Variants in MTDH observed in about 807,000 individuals in gnomAD.
MTDH encodes the protein metadherin.
In MTDH, 34 loss-of-function variants were observed where a neutral mutation model predicts 72.7. That is an observed-to-expected ratio of 0.47 (90% confidence interval 0.36 to 0.62). The LOEUF (loss-of-function observed/expected upper bound fraction) is 0.62, where lower values mean the gene tolerates loss of function less well. Among genes scored for constraint, MTDH ranks in the 20% least tolerant of loss-of-function variants. The pLI is 0.00. For synonymous variants in MTDH, 266 were observed against 268.9 expected, an observed-to-expected ratio of 0.99 and a Z score of 0.10; for missense variants, 677 against 699.4, an observed-to-expected ratio of 0.97 and a Z score of 0.36.
In MTDH at chr8:97,716,854, T is replaced by A. The variant is rs181293148; in HGVS notation, c.1381-2195T>A. ...CAAGTAACTAGGACTACAGTTTTTT[T>A]ATTTTTTTGTAGAGACAGAGTTTCC... On this transcript the variant is annotated intron_variant, in intron 9 of 11. Transcript: ENST00000336273. Among the ~76,000 whole-genome samples, 11 of 152,130 alleles carry A rather than the reference T, an allele frequency of 7.2e-5. No homozygotes were observed. The South Asian group carries it at 8.3e-4, about 11-fold the overall frequency.
In MTDH at chr8:97,699,783, A is replaced by G. The variant is rs779147254; in HGVS notation, c.1078A>G (p.Thr360Ala). ...GSTAEPVSQS[T>A]TSDYQWDVSR... The stretch of plus-strand genomic sequence containing the variant: ...TACTGCTGAGCCAGTTTCTCAGTCT[A>G]CCACTTCTGATTATCAGTGGGATGT... Residue 360 changes from threonine (T) to alanine (A), a missense_variant, in exon 7 of 12, where the codon ACC (threonine) becomes GCC (alanine). Thr to Ala is a moderately conservative substitution (Grantham distance 58). Around this residue, in one of 3 missense-constraint regions of MTDH, gnomAD observed 467 missense variants for 469.1 expected, o/e 1.00. Coordinates refer to ENST00000336273, the MANE Select transcript of MTDH (RefSeq NM_178812.4). 1 of 1,612,996 alleles carries G rather than the reference A, an allele frequency of 6.2e-7. No homozygotes were observed. The highest frequency in any genetic ancestry group is 8.5e-7 in the Non-Finnish European group (1 of 1,179,190).
chr8:97,704,799 A>G (rs1480759764), intron 7 of MTDH, among the ~76,000 whole-genome samples: 2 of 152,170 alleles, frequency 1.3e-5, no homozygotes, highest in South Asian at 2.1e-4. Flanking sequence ...TGTATTATAT[A>G]TTCCTGTTAA....
At chr8:97,685,751 C>T (rs1442980652) in intron 2 of MTDH, among the ~76,000 whole-genome samples, 1 of 149,518 alleles carries the variant, frequency 6.7e-6, no homozygotes, top group Non-Finnish European at 1.5e-5. Flanking sequence ...CAGAGCAAGA[C>T]TCCATCTCAG....
chr8:97,722,954 T>A lies in MTDH; in HGVS notation c.1597T>A (p.Ser533Thr). 2 of 1,614,154 alleles carry A rather than the reference T, an allele frequency of 1.2e-6. No individual in the cohort carries two copies. Among genetic ancestry groups the A allele is most frequent in the Non-Finnish European group, 1.7e-6 (2 of 1,180,002 alleles). The change falls in exon 11 of 12, where the codon TCT (serine) becomes ACT (threonine). Residue 533 changes from serine to threonine, a missense_variant. By Grantham distance (58) the Ser-to-Thr change is moderately conservative. Around this residue, in one of 3 missense-constraint regions of MTDH, gnomAD observed 201 missense variants for 204.5 expected, o/e 0.98. Transcript: ENST00000336273. ...ILSKSDSDKSSSQVPPILQET... is the reference protein window; with the variant it reads ...ILSKSDSDKSTSQVPPILQET... Reference sequence around the variant, plus strand: ...ATCAAAAAGTGATTCTGACAAGAGCTCTTCCCAAGTGCCGCCAATACTACA... The same window carrying A: ...ATCAAAAAGTGATTCTGACAAGAGCACTTCCCAAGTGCCGCCAATACTACA...
intron 2 of MTDH, among the ~76,000 whole-genome samples, chr8:97,681,882 T>C (rs1450661922): frequency 2.0e-5 from 3 of 152,108 alleles, no homozygotes; most frequent in Admixed American, 2.0e-4. Flanking sequence ...TATTTAGTTA[T>C]GTATACTCGG....
chr8:97,713,674 G>A lies in MTDH; in HGVS notation c.1285G>A (p.Asp429Asn), dbSNP rs757224318. ...CTTTTAACCTAAGGTCTCAGATGAT[G>A]ATAAAGAAAAGGGAGAGGGAGCTCT... The part of the protein sequence containing the change: ...IPDDQKVSDD[D>N]KEKGEGALPT... The change falls in exon 9 of 12, where the codon GAT becomes AAT. Residue 429 changes from aspartate (D) to asparagine (N), a missense_variant. Coordinates refer to ENST00000336273, the MANE Select transcript of MTDH (RefSeq NM_178812.4). 1 of 1,594,216 alleles carries A rather than the reference G, an allele frequency of 6.3e-7. No homozygotes were observed. The highest frequency in any genetic ancestry group is 1.1e-5 in the South Asian group (1 of 87,160).
At chr8:97,667,809 T>G (rs967105461) in intron 2 of MTDH, among the ~76,000 whole-genome samples, 3 of 119,848 alleles carry the variant, frequency 2.5e-5, no homozygotes, top group African/African-American at 9.8e-5. Flanking sequence ...CTGGGCAACA[T>G]AGCGAGACCC....
chr8:97,697,148 A>ATTTTTT lies in MTDH; in HGVS notation c.1049-2605_1049-2604insTTTTTT, dbSNP rs1324445962. 1.3e-4 allele frequency among the ~76,000 whole-genome samples: 9 copies of ATTTTTT among 68,472 alleles called. No homozygotes were observed. The South Asian group carries it at 4.2e-3, about 32-fold the overall frequency. The allele number at this position is 68,472 out of a possible 152,430, so 44.9% of individuals were successfully genotyped here. On this transcript the variant is annotated intron_variant, in intron 6 of 11. Transcript: ENST00000336273. ...AAAAAAAATATATATATATATATAT[A>ATTTTTT]TATTTTTTTTTTGTGGACCCAGTTT...
intron 8 of MTDH, among the ~76,000 whole-genome samples, chr8:97,707,974 T>TC (rs1814433416): frequency 6.6e-6 from 1 of 151,766 alleles, no homozygotes; most frequent in African/African-American, 2.4e-5. Context: ...TTTTTTTTTT[T>TC]CTTTTTCTTT....
chr8:97,691,329 C>T (rs1813599234), intron 6 of MTDH, 141 bp downstream of exon 6: 1 of 582,460 alleles, frequency 1.7e-6, no homozygotes, highest in Non-Finnish European at 2.9e-6. Context: ...TAACTCATCT[C>T]ACATCCTTTT....
intron 9 of MTDH, among the ~76,000 whole-genome samples, chr8:97,718,584 G>T (rs150005570): frequency 6.0e-5 from 9 of 149,440 alleles, no homozygotes; most frequent in African/African-American, 2.0e-4. Flanking sequence ...GCAATGGTGC[G>T]ATCTCGGCTC....
In MTDH at chr8:97,724,915, A is replaced by T. The variant is rs970099785; in HGVS notation, c.*245A>T. On this transcript the variant is annotated 3_prime_UTR_variant, in exon 12 of 12. Transcript: ENST00000336273. Reference sequence around the variant, plus strand: ...AAGTCTTTTTAATAGAACAAGAACGATCTTAATTTAAGAATATTATCCTGG... The same window carrying T: ...AAGTCTTTTTAATAGAACAAGAACGTTCTTAATTTAAGAATATTATCCTGG... 6.8e-6 allele frequency: 2 copies of T among 294,950 alleles called. No individual in the cohort carries two copies. The highest frequency in any genetic ancestry group is 4.4e-5 in the African/African-American group (2 of 45,366). 18.3% of individuals were successfully genotyped at this position (294,950 alleles called of 1,614,324 possible). A position where few individuals can be genotyped will look rare whatever the true frequency, so the allele number is the denominator to read the frequency against.
chr8:97,695,792 A>AT (rs143530723), intron 6 of MTDH, among the ~76,000 whole-genome samples: 1,850 of 152,338 alleles, frequency 0.012, 42 homozygotes, highest in African/African-American at 0.042. Context: ...TATGAACCTC[A>AT]TACTTATGTA....
At chr8:97,653,818 T>C (rs922918806) in intron 1 of MTDH, among the ~76,000 whole-genome samples, 3 of 152,246 alleles carry the variant, frequency 2.0e-5, no homozygotes, top group Non-Finnish European at 4.4e-5. Context: ...GTTTTCAAAC[T>C]GCTCCATGGA....
In MTDH at chr8:97,726,191, T is replaced by G. The variant is rs1355150676; in HGVS notation, c.*1521T>G. The G allele has an allele frequency of 1.3e-5, 2 of 152,674 alleles. No homozygotes were observed. The highest frequency in any genetic ancestry group is 1.3e-4 in the Admixed American group (2 of 15,270). 9.5% of individuals were successfully genotyped at this position (152,674 alleles called of 1,614,324 possible). A position where few individuals can be genotyped will look rare whatever the true frequency, so the allele number is the denominator to read the frequency against. ...ATGGACAGCTTTCCTAACAAGAGAT[T>G]ATTAACTTTTATCAGGTGTTAACAT... On this transcript the variant is annotated 3_prime_UTR_variant, in exon 12 of 12. Coordinates refer to ENST00000336273, the MANE Select transcript of MTDH (RefSeq NM_178812.4).
intron 2 of MTDH, among the ~76,000 whole-genome samples, chr8:97,677,004 CAAAAA>C (rs57430782): frequency 1.7e-4 from 4 of 23,318 alleles, no homozygotes; most frequent in Non-Finnish European, 2.1e-4. Context: ...GACTCTATCT[CAAAAA>C]AAAAAAAAAA....
At chr8:97,697,905 G>A (rs1813936744) in intron 6 of MTDH, among the ~76,000 whole-genome samples, 1 of 152,028 alleles carries the variant, frequency 6.6e-6, no homozygotes, top group Non-Finnish European at 1.5e-5. Flanking sequence ...AAGCCGTGTG[G>A]GCTGCCAAAG....
intron 10 of MTDH, among the ~76,000 whole-genome samples, chr8:97,722,673 ATTT>A (rs1366248166): frequency 6.6e-6 from 1 of 152,176 alleles, no homozygotes; most frequent in East Asian, 1.9e-4. Flanking sequence ...TCATACCTTC[ATTT>A]TTATCTCAAC....
chr8:97,674,609 T>G (rs567171007), intron 2 of MTDH, among the ~76,000 whole-genome samples: 1 of 152,314 alleles, frequency 6.6e-6, no homozygotes, highest in South Asian at 2.1e-4. Flanking sequence ...TGGGTGAAAT[T>G]GACTCTAAAG....
Sources: allele counts gnomAD v4.1 joint callset (sites outside exome capture counted in the v4.1 genomes callset), GRCh38; gene constraint gnomAD v4.1.1; regional missense constraint gnomAD v4.1.1; transcripts MANE v1.5; gene names NCBI Gene and HGNC (gene_info 2026-07-23, HGNC 2026-07-21).